The following FCHO2 variants were observed in gnomAD, a reference collection of about 807,000 sequenced individuals.
FCHO2 encodes the protein FCH and mu domain containing endocytic adaptor 2, also known as F-BAR domain only protein 2.
Under a neutral mutation model 114.1 loss-of-function variants are expected in FCHO2, and 43 were observed. The observed-to-expected ratio is 0.38, with a 90% CI of 0.30 to 0.49. The LOEUF is 0.49. Ranked by LOEUF, FCHO2 falls within the 20% of genes least tolerant of loss-of-function variation. The pLI is 0.97. For synonymous variants in FCHO2, 293 were observed against 315.2 expected (o/e 0.93, Z 0.75); for missense variants, 807 against 950.4 (o/e 0.85, Z 1.98).
chr5:73,083,009 G>T (rs6867142), intron 24 of FCHO2, among the ~76,000 whole-genome samples, 184 bp downstream of exon 24: 1 of 152,000 alleles, frequency 6.6e-6, no homozygotes, highest in Non-Finnish European at 1.5e-5. Context: ...GAGTAGCTGG[G>T]ATTACAGGCA....
intron 6 of FCHO2, among the ~76,000 whole-genome samples, chr5:73,012,323 T>G (rs1755063643): frequency 6.6e-6 from 1 of 152,186 alleles, no homozygotes; most frequent in African/African-American, 2.4e-5. Flanking sequence ...GACTATACTT[T>G]TAAAAATTAA....
intron 9 of FCHO2, among the ~76,000 whole-genome samples, chr5:73,035,677 A>AC (rs1026206688): frequency 5.3e-5 from 8 of 151,568 alleles, no homozygotes; most frequent in African/African-American, 1.9e-4. Context: ...TAACTTTTGT[A>AC]TTTTTTTTAG....
At chr5:72,968,081 C>A (rs534015074) in intron 1 of FCHO2, among the ~76,000 whole-genome samples, 1 of 151,270 alleles carries the variant, frequency 6.6e-6, no homozygotes, top group South Asian at 2.1e-4. Context: ...CCCACCACCA[C>A]GCCCGGCTAA....
At chr5:72,999,132 G>T (rs1754289790) in intron 5 of FCHO2, among the ~76,000 whole-genome samples, 1 of 152,000 alleles carries the variant, frequency 6.6e-6, no homozygotes, top group African/African-American at 2.4e-5. Context: ...AGGAAGGGGT[G>T]CTTTTTTCTA....
At chr5:72,977,204 G>GTCT (rs1264545946) in intron 2 of FCHO2, among the ~76,000 whole-genome samples, 2 of 152,172 alleles carry the variant, frequency 1.3e-5, no homozygotes, top group African/African-American at 4.8e-5. Flanking sequence ...TTGCCACACT[G>GTCT]TCTTCCACAA....
At position 72,998,493 on chromosome 5, in the gene FCHO2, G is replaced by GA. The variant is rs749639162; in HGVS notation, c.495+7639dup. 1.9e-3 allele frequency among the ~76,000 whole-genome samples: 271 copies of GA among 145,508 alleles called. 2 individuals are homozygous for GA. The highest frequency in any genetic ancestry group is 0.016 in the East Asian group (82 of 5,036). On this transcript the variant is annotated intron_variant, in intron 5 of 25. Transcript: ENST00000430046. ...CAGAGCGAAACTCCGTCTCAAAAAA[G>GA]AAAAAAAAAATGTAAGTCACAGGAG... is the stretch of plus-strand genomic sequence containing the variant.
At chr5:72,957,294 T>C (rs1229577626) in intron 1 of FCHO2, among the ~76,000 whole-genome samples, 1 of 152,214 alleles carries the variant, frequency 6.6e-6, no homozygotes, top group East Asian at 1.9e-4. Context: ...CATATGTTCA[T>C]AGAGTTGTGT....
intron 5 of FCHO2, among the ~76,000 whole-genome samples, chr5:73,001,313 G>A (rs1754421235): frequency 6.6e-6 from 1 of 152,004 alleles, no homozygotes; most frequent in African/African-American, 2.4e-5. Context: ...AAGACTGGTG[G>A]CACATACCTG....
intron 8 of FCHO2, among the ~76,000 whole-genome samples, chr5:73,030,035 C>G (rs1756147974): frequency 6.8e-6 from 1 of 146,964 alleles, no homozygotes; most frequent in Admixed American, 6.8e-5. Context: ...TCTTTTCTTT[C>G]TTTCTTTTTG....
chr5:73,012,713 A>G (rs762812113), intron 6 of FCHO2, among the ~76,000 whole-genome samples: 1 of 152,220 alleles, frequency 6.6e-6, no homozygotes, highest in South Asian at 2.1e-4. Context: ...TTTGTTCAGG[A>G]AAGTTCATTT....
At position 72,980,213 on chromosome 5, in the gene FCHO2, C is replaced by T. The variant is rs1342505089; in HGVS notation, c.126-9214C>T. ...TTCATTTCGTTATGTACCCAGTAGT[C>T]ATTCAGGAGCAGGTTGTTCAGTTTC... On this transcript the variant is annotated intron_variant, in intron 2 of 25. Transcript: ENST00000430046. Among the ~76,000 whole-genome samples the T allele has an allele frequency of 4.6e-5, 7 of 152,312 alleles. No homozygotes were observed. The East Asian group carries it at 1.3e-3, about 29-fold the overall frequency.
intron 3 of FCHO2, 145 bp from the exon 4 acceptor site, chr5:72,990,333 A>G (rs1254044358): frequency 1.1e-5 from 7 of 625,730 alleles, no homozygotes; most frequent in African/African-American, 3.9e-5. Context: ...CAGTCTGTCA[A>G]TCATTTTATT....
intron 2 of FCHO2, among the ~76,000 whole-genome samples, chr5:72,984,715 C>T (rs1753411249): frequency 6.6e-6 from 1 of 152,070 alleles, no homozygotes; most frequent in South Asian, 2.1e-4. Context: ...AGGCTGCAGC[C>T]TTGACCTCCT....
intron 8 of FCHO2, among the ~76,000 whole-genome samples, chr5:73,030,917 T>C (rs967067545): frequency 3.3e-5 from 5 of 152,150 alleles, no homozygotes; most frequent in African/African-American, 1.2e-4. Flanking sequence ...AACTTTCAAA[T>C]GGTTTAGCAA....
At chr5:73,071,339 C>A (rs62362207) in intron 19 of FCHO2, among the ~76,000 whole-genome samples, 1 of 151,588 alleles carries the variant, frequency 6.6e-6, no homozygotes, top group Non-Finnish European at 1.5e-5. Flanking sequence ...ACCTCTAATA[C>A]CTAAATTAGT....
intron 20 of FCHO2, among the ~76,000 whole-genome samples, 184 bp from the exon 21 acceptor site, chr5:73,077,154 A>G (rs1246558973): frequency 1.3e-5 from 2 of 152,246 alleles, no homozygotes; most frequent in Non-Finnish European, 2.9e-5. Flanking sequence ...ATACTATTTC[A>G]TGTATATAAT....
intron 2 of FCHO2, 107 bp from the exon 3 acceptor site, chr5:72,989,320 A>G (rs982359184): frequency 1.8e-5 from 14 of 757,150 alleles, no homozygotes; most frequent in Non-Finnish European, 3.0e-5. Flanking sequence ...TTAACATGTA[A>G]TTTTTGAGGT....
At chr5:72,983,396 T>A (rs1008779293) in intron 2 of FCHO2, among the ~76,000 whole-genome samples, 1 of 151,936 alleles carries the variant, frequency 6.6e-6, no homozygotes, top group Non-Finnish European at 1.5e-5. Flanking sequence ...TTATTTATTT[T>A]TTTTGAGACA....
intron 1 of FCHO2, among the ~76,000 whole-genome samples, chr5:72,967,715 GTT>G (rs1752279618): frequency 6.6e-6 from 1 of 152,128 alleles, no homozygotes; most frequent in South Asian, 2.1e-4. Context: ...CACCTCCCGG[GTT>G]CAAGCGATTC....
Sources: allele counts gnomAD v4.1 joint callset (sites outside exome capture counted in the v4.1 genomes callset), GRCh38; gene constraint gnomAD v4.1.1; transcripts MANE v1.5; gene names NCBI Gene and HGNC (gene_info 2026-07-23, HGNC 2026-07-21).